Variants in RTN4RL1 observed in about 807,000 individuals in gnomAD.
The protein encoded by RTN4RL1 is reticulon-4 receptor-like 1.
In RTN4RL1, 7 loss-of-function variants were observed where a neutral mutation model predicts 25.6. The observed-to-expected ratio is 0.27, with a 90% CI of 0.16 to 0.51. RTN4RL1 has a LOEUF of 0.51. Among genes scored for constraint, RTN4RL1 ranks in the 20% least tolerant of loss-of-function variants. RTN4RL1 has a pLI of 0.97. For synonymous variants in RTN4RL1, 297 were observed against 288.2 expected (o/e 1.03, Z -0.31); for missense variants, 500 against 615.6 (o/e 0.81, Z 1.99).
chr17:2,012,487 C>A (rs906839506), intron 1 of RTN4RL1, among the ~76,000 whole-genome samples: 3 of 152,216 alleles, frequency 2.0e-5, no homozygotes, highest in African/African-American at 7.2e-5. Context: ...GGGAAAAGTG[C>A]GTGGTGTAGG....
intron 1 of RTN4RL1, among the ~76,000 whole-genome samples, chr17:1,984,456 T>C (rs2151317365): frequency 6.6e-6 from 1 of 152,282 alleles, no homozygotes; most frequent in Non-Finnish European, 1.5e-5. Flanking sequence ...CTCAAACTCC[T>C]GGACTCAAGC....
intron 1 of RTN4RL1, among the ~76,000 whole-genome samples, chr17:2,005,357 T>C (rs148121334): frequency 3.0e-4 from 45 of 152,290 alleles, no homozygotes; most frequent in African/African-American, 1.1e-3. Flanking sequence ...ACTCTAAAGA[T>C]AGGCACTGTT....
intron 1 of RTN4RL1, among the ~76,000 whole-genome samples, chr17:1,972,798 G>A (rs2066826247): frequency 6.6e-6 from 1 of 152,170 alleles, no homozygotes; most frequent in South Asian, 2.1e-4. Context: ...TCCTCCACAG[G>A]CCCATTTTCT....
At chr17:2,012,723 A>G (rs148688346) in intron 1 of RTN4RL1, among the ~76,000 whole-genome samples, 1 of 152,012 alleles carries the variant, frequency 6.6e-6, no homozygotes. Flanking sequence ...AACATTTATT[A>G]GCCAATCAAC....
chr17:2,022,300 A>G (rs758560629), intron 1 of RTN4RL1, among the ~76,000 whole-genome samples: 1 of 152,032 alleles, frequency 6.6e-6, no homozygotes, highest in Non-Finnish European at 1.5e-5. Context: ...TGGGCAACAG[A>G]GTGAAACTCT....
At chr17:1,942,853 C>A (rs1024840291) in intron 1 of RTN4RL1, among the ~76,000 whole-genome samples, 2 of 152,204 alleles carry the variant, frequency 1.3e-5, no homozygotes, top group Non-Finnish European at 2.9e-5. Context: ...ATGGCCACAG[C>A]CCGTGCGAAG....
chr17:1,983,636 C>G (rs1346403316), intron 1 of RTN4RL1, among the ~76,000 whole-genome samples: 6 of 152,130 alleles, frequency 3.9e-5, no homozygotes, highest in Non-Finnish European at 7.4e-5. Flanking sequence ...CTCCTGAGCT[C>G]AAGCGATCCT....
intron 1 of RTN4RL1, among the ~76,000 whole-genome samples, chr17:1,965,030 G>A (rs111252046): frequency 0.017 from 2,558 of 150,010 alleles, 66 homozygotes; most frequent in African/African-American, 0.059. Context: ...ATCGTGATCC[G>A]CCCGCCTCAG....
At chr17:1,976,405 C>T (rs1400530454) in intron 1 of RTN4RL1, among the ~76,000 whole-genome samples, 1 of 152,214 alleles carries the variant, frequency 6.6e-6, no homozygotes, top group African/African-American at 2.4e-5. Flanking sequence ...GTCTCAGTTT[C>T]ACTGTAAGGT....
chr17:2,010,999 C>A (rs2067042869), intron 1 of RTN4RL1, among the ~76,000 whole-genome samples: 1 of 152,168 alleles, frequency 6.6e-6, no homozygotes, highest in Admixed American at 6.5e-5. Flanking sequence ...CACCTGTAAT[C>A]CCAGCACTTT....
At chr17:1,967,169 C>T (rs1047733422) in intron 1 of RTN4RL1, among the ~76,000 whole-genome samples, 2 of 149,152 alleles carry the variant, frequency 1.3e-5, no homozygotes, top group East Asian at 1.9e-4. Context: ...GAAGAGGGGG[C>T]CCTGGGTTAT....
intron 1 of RTN4RL1, among the ~76,000 whole-genome samples, chr17:1,957,139 T>A (rs1448695776): frequency 1.3e-5 from 2 of 152,268 alleles, no homozygotes; most frequent in Non-Finnish European, 2.9e-5. Flanking sequence ...ATCTTTGTGC[T>A]CACGGCTTGG....
In RTN4RL1 at chr17:1,937,881, C is replaced by T. The variant is rs538802071; in HGVS notation, c.14-73G>A. The T allele has an allele frequency of 8.3e-5, 97 of 1,170,242 alleles. No homozygotes were observed. In the East Asian group the frequency reaches 1.2e-3, roughly 14 times the overall value. 72.5% of individuals were successfully genotyped at this position (1,170,242 alleles called of 1,614,324 possible). On this transcript the variant is annotated intron_variant, in intron 1 of 1. Transcript: ENST00000331238. ...GACTGGCACCGCACCCTCCGGCGCCCGCCGAGGACGCATCCTCGTCTTGGC... is the reference window on the plus strand; with the variant it reads ...GACTGGCACCGCACCCTCCGGCGCCTGCCGAGGACGCATCCTCGTCTTGGC...
rs867455942 is a variant in RTN4RL1 at position 1,998,427 on chromosome 17, T to A, written c.13+26426A>T. ...CGCGGCCGCGCTGGGATCCGTTCCC[T>A]CTCGCGGGAGCCGCCGGCCGGGGAT... On this transcript the variant is annotated intron_variant, in intron 1 of 1. Coordinates refer to ENST00000331238, the MANE Select transcript of RTN4RL1 (RefSeq NM_178568.4). This position sits in a 1 kb window ranked among gnomAD's most constrained non-coding sequence, Gnocchi z 4.9. 1.2e-3 allele frequency among the ~76,000 whole-genome samples: 189 copies of A among 151,926 alleles called. No homozygotes were observed. The highest frequency in any genetic ancestry group is 4.2e-3 in the African/African-American group (175 of 41,456).
intron 1 of RTN4RL1, among the ~76,000 whole-genome samples, chr17:2,016,064 T>C (rs2067118165): frequency 6.6e-6 from 1 of 152,100 alleles, no homozygotes; most frequent in Non-Finnish European, 1.5e-5. Flanking sequence ...TTAGGTACCA[T>C]TTGAAGAAAC....
intron 1 of RTN4RL1, among the ~76,000 whole-genome samples, chr17:1,999,068 C>CCA (rs56887305): frequency 0.059 from 8,864 of 150,198 alleles, 863 homozygotes; most frequent in African/African-American, 0.2. Flanking sequence ...GCTGCTCACG[C>CCA]CAGTCTACAC....
intron 1 of RTN4RL1, among the ~76,000 whole-genome samples, chr17:1,949,989 G>C (rs1258849677): frequency 6.6e-6 from 1 of 152,256 alleles, no homozygotes; most frequent in African/African-American, 2.4e-5. Context: ...CAAGGGCAGA[G>C]GGGCAGGAGA....
At position 1,937,173 on chromosome 17, in the gene RTN4RL1, A is replaced by C. The variant is rs755814532; in HGVS notation, c.649T>G (p.Phe217Val). The change falls in exon 2 of 2, where the codon TTC becomes GTC. Residue 217 changes from phenylalanine to valine, a missense_variant. Phe to Val is a conservative substitution (Grantham distance 50). This residue lies in a region of RTN4RL1 where 232 missense variants were observed against 341.1 expected (regional missense o/e 0.68). Coordinates refer to ENST00000331238, the MANE Select transcript of RTN4RL1 (RefSeq NM_178568.4). ...NQLQWVHHKA[F>V]HDLRRLTTLF... Reference sequence around the variant, plus strand: ...GTGGTCAGCCTGCGGAGGTCGTGGAACGCCTTGTGGTGGACCCACTGCAGC... The same window carrying C: ...GTGGTCAGCCTGCGGAGGTCGTGGACCGCCTTGTGGTGGACCCACTGCAGC... The C allele has an allele frequency of 6.2e-7, 1 of 1,612,616 alleles. No homozygotes were observed. The highest frequency in any genetic ancestry group is 1.1e-5 in the South Asian group (1 of 91,042).
chr17:1,955,077 T>G (rs1200143253), intron 1 of RTN4RL1, among the ~76,000 whole-genome samples: 2 of 152,234 alleles, frequency 1.3e-5, no homozygotes, highest in South Asian at 2.1e-4. Context: ...TCTGTCAGCC[T>G]GAGCGCCGCC....
Sources: gnomAD v4.1 joint callset for allele counts (sites outside exome capture counted in the v4.1 genomes callset) on GRCh38, gnomAD v4.1.1 for gene constraint, gnomAD v4.1.1 regional missense constraint, Gnocchi (gnomAD v3.1) non-coding constraint, MANE v1.5 for transcripts, NCBI Gene and HGNC (gene_info 2026-07-23, HGNC 2026-07-21) for gene names.